GPC5: variants seen among roughly 807,000 people sequenced by gnomAD.
The protein encoded by GPC5 is glypican-5.
A neutral mutation model predicts 53.9 loss-of-function variants in GPC5; 47 were observed. That is an observed-to-expected ratio of 0.87 (90% CI 0.69 to 1.11). The LOEUF is 1.11. GPC5 is among the 50% of genes most tolerant of loss of function. The pLI is 0.00. For synonymous variants in GPC5, 286 were observed against 263.3 expected (o/e 1.09, Z -0.84); for missense variants, 748 against 713.1 (o/e 1.05, Z -0.56).
At chr13:92,467,730 G>C (rs1005224931) in intron 7 of GPC5, among the ~76,000 whole-genome samples, 1 of 152,130 alleles carries the variant, frequency 6.6e-6, no homozygotes, top group African/African-American at 2.4e-5. Context: ...CTGCCTCTCA[G>C]TATTGCCTAG....
chr13:92,511,574 G>A (rs1039997972), intron 7 of GPC5, among the ~76,000 whole-genome samples: 11 of 152,134 alleles, frequency 7.2e-5, no homozygotes, highest in South Asian at 4.2e-4. Flanking sequence ...GTTGTTCAAG[G>A]GCATATGATT....
chr13:92,483,359 T>C (rs762086602), intron 7 of GPC5, among the ~76,000 whole-genome samples: 2 of 152,232 alleles, frequency 1.3e-5, no homozygotes, highest in African/African-American at 2.4e-5. Context: ...GACATGTTAC[T>C]GTACTGAATA....
chr13:92,550,207 T>C (rs1231717132), intron 7 of GPC5, among the ~76,000 whole-genome samples: 2 of 151,874 alleles, frequency 1.3e-5, no homozygotes, highest in Non-Finnish European at 2.9e-5. Flanking sequence ...ACTATTATTT[T>C]AAAAATGAAC....
Position 92,128,717 on chromosome 13 carries a change from C to T in GPC5, c.1402-16113C>T, listed in dbSNP as rs538336683. 7.3e-4 allele frequency among the ~76,000 whole-genome samples: 111 copies of T among 152,264 alleles called. 1 individual carries two copies. In the Middle Eastern group the frequency reaches 0.031, roughly 42 times the overall value. ...TGGTGGCTTATGCCTGTAATCCCAG[C>T]ACTTTGGGAAGCAGAAGCAGCTGGA... On this transcript the variant is annotated intron_variant, in intron 6 of 7. Transcript: ENST00000377067.
chr13:91,758,855 C>A (rs1237832463), intron 5 of GPC5, among the ~76,000 whole-genome samples: 2 of 152,266 alleles, frequency 1.3e-5, no homozygotes, highest in African/African-American at 4.8e-5. Flanking sequence ...TCAAACAATT[C>A]TTCCAACCTC....
intron 7 of GPC5, among the ~76,000 whole-genome samples, chr13:92,574,997 C>G (rs1471078818): frequency 1.3e-5 from 2 of 152,152 alleles, no homozygotes; most frequent in Non-Finnish European, 2.9e-5. Flanking sequence ...TGTTCCATTA[C>G]AGCTTTGCTA....
chr13:91,518,565 T>C (rs1452301432), intron 2 of GPC5, among the ~76,000 whole-genome samples: 14 of 152,164 alleles, frequency 9.2e-5, no homozygotes, highest in Non-Finnish European at 2.1e-4. Flanking sequence ...TCTTTTTTCT[T>C]TTTTTGAGAT....
At chr13:91,744,697 A>C (rs903689594) in intron 4 of GPC5, among the ~76,000 whole-genome samples, 11 of 152,126 alleles carry the variant, frequency 7.2e-5, no homozygotes, top group Non-Finnish European at 1.6e-4. Context: ...ATGCTGAGAG[A>C]GGTTAATAAT....
chr13:92,841,578 T>A (rs192126797), intron 7 of GPC5, among the ~76,000 whole-genome samples: 1 of 152,100 alleles, frequency 6.6e-6, no homozygotes, highest in Non-Finnish European at 1.5e-5. Context: ...AAATATATCA[T>A]AAGAGGACAT....
chr13:92,470,978 T>C (rs1878887097), intron 7 of GPC5, among the ~76,000 whole-genome samples: 1 of 152,108 alleles, frequency 6.6e-6, no homozygotes, highest in African/African-American at 2.4e-5. Context: ...ATGGGAGGCC[T>C]CTTTCTCGAG....
intron 6 of GPC5, among the ~76,000 whole-genome samples, chr13:91,948,323 C>T (rs1208427125): frequency 6.6e-6 from 1 of 151,418 alleles, no homozygotes; most frequent in Non-Finnish European, 1.5e-5. Context: ...TAATAATGTA[C>T]AACAAGCAAA....
chr13:91,806,262 G>A (rs917014469), intron 5 of GPC5, among the ~76,000 whole-genome samples: 9 of 151,640 alleles, frequency 5.9e-5, no homozygotes, highest in East Asian at 1.9e-4. Context: ...TCTTGTACTC[G>A]TGAGCTAGAC....
chr13:92,220,708 T>C (rs1410346536), intron 7 of GPC5, among the ~76,000 whole-genome samples: 1 of 152,234 alleles, frequency 6.6e-6, no homozygotes, highest in Non-Finnish European at 1.5e-5. Flanking sequence ...GAAGGAAGTT[T>C]ATTCAACTTC....
intron 6 of GPC5, among the ~76,000 whole-genome samples, chr13:91,936,759 A>G (rs1174356297): frequency 6.6e-6 from 1 of 152,016 alleles, no homozygotes; most frequent in Non-Finnish European, 1.5e-5. Context: ...AAAGGAACAA[A>G]TTTAAGCATG....
At chr13:91,522,282 A>C (rs1885859569) in intron 2 of GPC5, among the ~76,000 whole-genome samples, 1 of 152,146 alleles carries the variant, frequency 6.6e-6, no homozygotes, top group Non-Finnish European at 1.5e-5. Flanking sequence ...CTTTCCTGTG[A>C]CCAGTCCCTA....
chr13:92,494,100 GT>G (rs56882247), intron 7 of GPC5, among the ~76,000 whole-genome samples: 52,426 of 112,206 alleles, frequency 0.47, 10,438 homozygotes, highest in East Asian at 0.87. Flanking sequence ...GTTTTGTTTT[GT>G]TTTTTTGAGA....
chr13:91,756,075 G>GAAA (rs34332161), intron 4 of GPC5, among the ~76,000 whole-genome samples: 77 of 140,752 alleles, frequency 5.5e-4, no homozygotes, highest in African/African-American at 1.8e-3. Flanking sequence ...CTTTTTTTTT[G>GAAA]AAAAAAAAAA....
chr13:92,740,933 CATGT>C lies in GPC5; in HGVS notation c.1562-125344_1562-125341del, dbSNP rs1247101806. Among the ~76,000 whole-genome samples the C allele has an allele frequency of 1.5e-3, 151 of 99,684 alleles. 5 individuals are homozygous for C. Among genetic ancestry groups the C allele is most frequent in the Non-Finnish European group, 2.6e-3 (119 of 45,840 alleles). The allele number at this position is 99,684 out of a possible 152,430, so 65.4% of individuals were successfully genotyped here. On this transcript the variant is annotated intron_variant, in intron 7 of 7. Transcript: ENST00000377067. ...ATATATATATATGTGCATATGTATG[CATGT>C]ATGTGTGTATATATATGTATGTGTA...
intron 7 of GPC5, among the ~76,000 whole-genome samples, chr13:92,528,852 G>A: frequency 6.6e-6 from 1 of 151,810 alleles, no homozygotes; most frequent in East Asian, 1.9e-4. Flanking sequence ...TTATAAAATA[G>A]GGTTAGACTA....
Sources: allele counts gnomAD v4.1 joint callset (sites outside exome capture counted in the v4.1 genomes callset), GRCh38; gene constraint gnomAD v4.1.1; transcripts MANE v1.5; gene names NCBI Gene and HGNC (gene_info 2026-07-23, HGNC 2026-07-21).